GRIN2A: variants seen among roughly 807,000 people sequenced by gnomAD.
GRIN2A encodes glutamate receptor ionotropic, NMDA 2A.
In GRIN2A, 22 loss-of-function variants were observed where a neutral mutation model predicts 113.4. The observed-to-expected ratio is 0.19, with a 90% CI of 0.14 to 0.28. The LOEUF (loss-of-function observed/expected upper bound fraction) is 0.28. Ranked by LOEUF, GRIN2A falls within the 10% of genes least tolerant of loss-of-function variation. The probability of loss-of-function intolerance (pLI) is 1.00; values close to 1 mark genes in which losing one functional copy is unlikely to be tolerated. For missense variants in GRIN2A, 1,502 were observed against 1,887.0 expected, an observed-to-expected ratio of 0.80 and a Z score of 3.78; for synonymous variants, 827 against 738.4, an observed-to-expected ratio of 1.12 and a Z score of -1.94.
chr16:9,874,922 C>G (rs1183545163), intron 4 of GRIN2A, among the ~76,000 whole-genome samples: 1 of 151,746 alleles, frequency 6.6e-6, no homozygotes, highest in Non-Finnish European at 1.5e-5. Flanking sequence ...CCTGTCTCTA[C>G]AAAACATACA....
intron 2 of GRIN2A, among the ~76,000 whole-genome samples, chr16:9,983,498 G>A (rs1412842714): frequency 1.3e-5 from 2 of 148,982 alleles, no homozygotes; most frequent in African/African-American, 2.5e-5. Context: ...GGAGTGCAGT[G>A]GCGTGATCTC....
intron 2 of GRIN2A, among the ~76,000 whole-genome samples, chr16:10,044,483 C>T (rs2047225362): frequency 1.3e-5 from 2 of 151,892 alleles, no homozygotes; most frequent in South Asian, 4.2e-4. Context: ...TGAAGTCTTT[C>T]CTAATGCCAC....
At chr16:9,912,337 T>C (rs753027574) in intron 3 of GRIN2A, among the ~76,000 whole-genome samples, 2 of 152,086 alleles carry the variant, frequency 1.3e-5, no homozygotes, top group Admixed American at 6.6e-5. Context: ...TTGATGATGA[T>C]GACGATGATA....
At chr16:9,881,018 G>C (rs538546038) in intron 4 of GRIN2A, among the ~76,000 whole-genome samples, 8 of 152,292 alleles carry the variant, frequency 5.3e-5, no homozygotes, top group South Asian at 2.1e-4. Context: ...CACATAGTGA[G>C]TGCTCAGGAA....
chr16:9,791,203 T>C (rs1310895053), intron 11 of GRIN2A, among the ~76,000 whole-genome samples: 1 of 152,120 alleles, frequency 6.6e-6, no homozygotes, highest in Admixed American at 6.5e-5. Flanking sequence ...GCAGGGTATC[T>C]AGCTTAGAGG....
intron 2 of GRIN2A, among the ~76,000 whole-genome samples, chr16:10,054,773 C>T (rs568161872): frequency 3.3e-5 from 5 of 151,986 alleles, no homozygotes; most frequent in South Asian, 4.2e-4. Flanking sequence ...TTGGGCCAGG[C>T]GCAGTGGCTT....
At chr16:10,156,776 A>G (rs1330448353) in intron 2 of GRIN2A, among the ~76,000 whole-genome samples, 1 of 152,224 alleles carries the variant, frequency 6.6e-6, no homozygotes, top group African/African-American at 2.4e-5. Context: ...TTCTTCTTAC[A>G]GTTTTCAGGG....
chr16:10,020,809 T>C (rs1456308537), intron 2 of GRIN2A, among the ~76,000 whole-genome samples: 1 of 152,148 alleles, frequency 6.6e-6, no homozygotes, highest in Non-Finnish European at 1.5e-5. Context: ...TGATCATCAT[T>C]ATTATCATTG....
At chr16:9,980,015 T>G (rs2045861355) in intron 2 of GRIN2A, among the ~76,000 whole-genome samples, 2 of 151,718 alleles carry the variant, frequency 1.3e-5, no homozygotes, top group African/African-American at 4.8e-5. Flanking sequence ...ATTCCAGCAT[T>G]TTGGGAAGCC....
At chr16:9,932,665 G>A (rs761054941) in intron 3 of GRIN2A, among the ~76,000 whole-genome samples, 3 of 152,084 alleles carry the variant, frequency 2.0e-5, no homozygotes, top group Non-Finnish European at 4.4e-5. Flanking sequence ...TTACAAGTAT[G>A]AGCCACCACG....
chr16:9,976,335 T>C (rs2045772883), intron 2 of GRIN2A, among the ~76,000 whole-genome samples: 1 of 152,184 alleles, frequency 6.6e-6, no homozygotes, highest in Non-Finnish European at 1.5e-5. Context: ...CAGCCCCATA[T>C]TCTGGGAAAC....
chr16:9,793,193 T>C (rs1329835771), intron 11 of GRIN2A, among the ~76,000 whole-genome samples: 1 of 152,210 alleles, frequency 6.6e-6, no homozygotes, highest in African/African-American at 2.4e-5. Flanking sequence ...ATATTATATG[T>C]GATGTGCTTG....
intron 2 of GRIN2A, among the ~76,000 whole-genome samples, chr16:9,958,155 G>A (rs2045348689): frequency 6.6e-6 from 1 of 152,172 alleles, no homozygotes; most frequent in Non-Finnish European, 1.5e-5. Context: ...AAGCGACTGT[G>A]AGGATTAAAA....
At chr16:10,155,674 G>A (rs942553829) in intron 2 of GRIN2A, among the ~76,000 whole-genome samples, 2 of 152,086 alleles carry the variant, frequency 1.3e-5, no homozygotes, top group Non-Finnish European at 2.9e-5. Flanking sequence ...AGGGAAAGAG[G>A]TTTAATGGAC....
At chr16:9,797,747 A>G (rs1596421872) in intron 11 of GRIN2A, among the ~76,000 whole-genome samples, 1 of 152,274 alleles carries the variant, frequency 6.6e-6, no homozygotes, top group Admixed American at 6.5e-5. Context: ...ACAGCCTACC[A>G]ACATGTGAGG....
chr16:9,835,624 T>G (rs1278974203), intron 7 of GRIN2A, among the ~76,000 whole-genome samples: 3 of 152,158 alleles, frequency 2.0e-5, no homozygotes, highest in Non-Finnish European at 2.9e-5. Flanking sequence ...AAGCAAATAT[T>G]TTCTGAGGGT....
intron 11 of GRIN2A, among the ~76,000 whole-genome samples, chr16:9,792,212 G>C (rs574999270): frequency 2.0e-4 from 31 of 151,988 alleles, no homozygotes; most frequent in Admixed American, 3.9e-4. Context: ...TGGTTGAGTT[G>C]GTCACTCTAT....
intron 3 of GRIN2A, among the ~76,000 whole-genome samples, chr16:9,927,109 A>T (rs2044483064): frequency 6.6e-6 from 1 of 152,168 alleles, no homozygotes; most frequent in Non-Finnish European, 1.5e-5. Context: ...ATGAATCATG[A>T]TTTTTAATTG....
chr16:9,872,214 G>A (rs9989383), intron 4 of GRIN2A, among the ~76,000 whole-genome samples: 34,175 of 151,954 alleles, frequency 0.22, 3,984 homozygotes, highest in African/African-American at 0.24. Context: ...AGAATTAGCG[G>A]GAGTCTCACA....
Sources: allele counts gnomAD v4.1 joint callset (sites outside exome capture counted in the v4.1 genomes callset), GRCh38; gene constraint gnomAD v4.1.1; transcripts MANE v1.5; gene names NCBI Gene and HGNC (gene_info 2026-07-23, HGNC 2026-07-21).